The following PATJ variants were observed in gnomAD, a reference collection of about 807,000 sequenced individuals.
PATJ encodes the protein inaD-like protein.
A neutral mutation model predicts 224.9 loss-of-function variants in PATJ; 190 were observed. That is an observed-to-expected ratio of 0.84 (90% CI 0.75 to 0.95). The LOEUF (loss-of-function observed/expected upper bound fraction) is 0.95. Ranked by LOEUF, PATJ falls within the 40% of genes least tolerant of loss-of-function variation. PATJ has a pLI of 0.00. For missense variants in PATJ, 2,121 were observed against 2,270.3 expected (o/e 0.93, Z 1.34); for synonymous variants, 769 against 820.3 (o/e 0.94, Z 1.07).
chr1:61,909,094 C>G lies in PATJ; in HGVS notation c.3492+612C>G, dbSNP rs182318632. ...TCCCAGGTTCAAGTGATTCCTGTGC[C>G]TCAGCCTCCCGAGTAGCTGGGATTA... On this transcript the variant is annotated intron_variant, in intron 25 of 43. Coordinates refer to ENST00000642238, the MANE Select transcript of PATJ (RefSeq NM_001350145.3). 2.0e-5 allele frequency among the ~76,000 whole-genome samples: 3 copies of G among 152,288 alleles called. No individual in the cohort carries two copies. In the East Asian group the frequency reaches 5.8e-4, roughly 29 times the overall value.
intron 33 of PATJ, among the ~76,000 whole-genome samples, chr1:62,090,208 C>T (rs953965885): frequency 5.3e-5 from 8 of 152,172 alleles, no homozygotes; most frequent in African/African-American, 1.7e-4. Flanking sequence ...TTTACAAGCA[C>T]ACCTGGACCC....
At chr1:61,792,436 G>GTGAA (rs1250286449) in intron 9 of PATJ, among the ~76,000 whole-genome samples, 1 of 152,190 alleles carries the variant, frequency 6.6e-6, no homozygotes, top group Non-Finnish European at 1.5e-5. Flanking sequence ...CTAAGTGAAA[G>GTGAA]TGAATGACTG....
intron 27 of PATJ, among the ~76,000 whole-genome samples, chr1:61,939,757 C>T (rs1456150370): frequency 7.4e-6 from 1 of 134,682 alleles, no homozygotes; most frequent in Non-Finnish European, 1.6e-5. Context: ...TCACTGCAAC[C>T]TCCGCCTCCC....
chr1:61,900,714 G>T (rs1024151120), intron 23 of PATJ, among the ~76,000 whole-genome samples: 3 of 151,558 alleles, frequency 2.0e-5, no homozygotes, highest in Admixed American at 6.6e-5. Context: ...CTCAGCCTCC[G>T]GAGTAGCTGG....
At chr1:61,748,803 C>T (rs564185424) in intron 1 of PATJ, among the ~76,000 whole-genome samples, 6 of 151,778 alleles carry the variant, frequency 4.0e-5, no homozygotes, top group South Asian at 4.2e-4. Flanking sequence ...CGCACCGGCA[C>T]GCACCACCAC....
At chr1:61,969,355 G>A (rs767965763) in intron 27 of PATJ, among the ~76,000 whole-genome samples, 21 of 152,120 alleles carry the variant, frequency 1.4e-4, no homozygotes, top group Middle Eastern at 3.2e-3. Context: ...ATGCATAAAC[G>A]TTCCAGTTTT....
At chr1:62,020,225 T>A (rs971474984) in intron 29 of PATJ, among the ~76,000 whole-genome samples, 1 of 152,100 alleles carries the variant, frequency 6.6e-6, no homozygotes. Context: ...CTTAACAGTA[T>A]CAGCATCTGC....
At chr1:61,945,729 A>G (rs917987333) in intron 27 of PATJ, among the ~76,000 whole-genome samples, 3 of 152,230 alleles carry the variant, frequency 2.0e-5, no homozygotes, top group African/African-American at 7.2e-5. Flanking sequence ...ATAGACATCT[A>G]CAGAACTCTC....
Position 62,123,047 on chromosome 1 carries a change from G to A in PATJ, c.5032G>A (p.Glu1678Lys), listed in dbSNP as rs745554162. 37 of 1,596,482 alleles carry A rather than the reference G, an allele frequency of 2.3e-5. No individual in the cohort carries two copies. The highest frequency in any genetic ancestry group is 3.2e-5 in the Non-Finnish European group (37 of 1,169,140). Residue 1678 changes from glutamate (E) to lysine (K), a missense_variant, in exon 39 of 44, where the codon GAG becomes AAG. Physicochemically the swap from Glu to Lys is moderately conservative, Grantham distance 56 (BLOSUM62 1). Coordinates refer to ENST00000642238, the MANE Select transcript of PATJ (RefSeq NM_001350145.3). Reference sequence around the variant, plus strand: ...CACAGATATGGAACCAAGGACTGTTGAGATAAACAGGGTAAGTCAGTCATT... The same window carrying A: ...CACAGATATGGAACCAAGGACTGTTAAGATAAACAGGGTAAGTCAGTCATT... ...SGTDMEPRTV[E>K]INRELSDALG...
At chr1:61,859,597 C>G (rs1664235014) in intron 18 of PATJ, among the ~76,000 whole-genome samples, 1 of 151,852 alleles carries the variant, frequency 6.6e-6, no homozygotes, top group Admixed American at 6.6e-5. Flanking sequence ...TTGACGGCCA[C>G]TTATCTAATT....
chr1:61,854,280 T>A (rs1663292775), intron 17 of PATJ, among the ~76,000 whole-genome samples: 1 of 152,202 alleles, frequency 6.6e-6, no homozygotes, highest in Admixed American at 6.5e-5. Context: ...AATCTCAGGT[T>A]ACAATATGTT....
intron 33 of PATJ, among the ~76,000 whole-genome samples, chr1:62,102,140 C>T (rs887634537): frequency 6.6e-6 from 1 of 151,982 alleles, no homozygotes; most frequent in African/African-American, 2.4e-5. Context: ...GATTGCACCA[C>T]TGCACTCCAG....
chr1:62,084,730 A>C, intron 33 of PATJ, 82 bp downstream of exon 33: 1 of 1,356,406 alleles, frequency 7.4e-7, no homozygotes, highest in Admixed American at 2.0e-5. Context: ...ACAACTCTGC[A>C]AGACTTGCCT....
intron 22 of PATJ, among the ~76,000 whole-genome samples, chr1:61,891,453 G>C (rs548483027): frequency 4.6e-5 from 7 of 152,176 alleles, no homozygotes; most frequent in African/African-American, 1.7e-4. Context: ...ATTTCAGAGA[G>C]AGGGCTACTC....
chr1:61,766,308 C>T lies in PATJ; in HGVS notation c.219C>T (p.Ala73=). The stretch of plus-strand genomic sequence containing the variant: ...ACCATATACCCTCAGATTGTTCAGC[C>T]AACTTTGATTTTTCTAGGAAAGGTT... ...QLNHIPSDCS[A]NFDFSRKGLL... is the part of the protein sequence containing the mutation. The change falls in exon 4 of 44, where the codon GCC becomes GCT. Residue 73 remains alanine, a synonymous_variant. Transcript: ENST00000642238. 6.2e-7 allele frequency: 1 copy of T among 1,610,336 alleles called. No homozygotes were observed. The highest frequency in any genetic ancestry group is 2.2e-5 in the East Asian group (1 of 44,666).
intron 22 of PATJ, among the ~76,000 whole-genome samples, chr1:61,898,305 A>G (rs1055996774): frequency 6.6e-6 from 1 of 152,044 alleles, no homozygotes; most frequent in Non-Finnish European, 1.5e-5. Flanking sequence ...TAGTGGTGTG[A>G]TCATAGCTCA....
At chr1:61,969,611 A>C (rs1244880955) in intron 27 of PATJ, among the ~76,000 whole-genome samples, 1 of 152,190 alleles carries the variant, frequency 6.6e-6, no homozygotes, top group Admixed American at 6.5e-5. Flanking sequence ...TATATTCTAG[A>C]TATTATATAC....
At chr1:61,882,636 A>G (rs1243867255) in intron 21 of PATJ, among the ~76,000 whole-genome samples, 1 of 152,088 alleles carries the variant, frequency 6.6e-6, no homozygotes, top group Non-Finnish European at 1.5e-5. Context: ...TGCCCAGGCT[A>G]GAGTACAGTG....
chr1:61,826,090 G>A lies in PATJ; in HGVS notation c.1819-1332G>A, dbSNP rs528984048. Among the ~76,000 whole-genome samples, 135 of 152,306 alleles carry A rather than the reference G, an allele frequency of 8.9e-4. 1 individual carries two copies. In the South Asian group the frequency reaches 0.026, roughly 30 times the overall value. On this transcript the variant is annotated intron_variant, in intron 15 of 43. Transcript: ENST00000642238. Reference sequence around the variant, plus strand: ...CTTCATTTGTCATGAAGACTTACCAGTAGAGCTAGCTTCCTAAAGTGCACG... The same window carrying A: ...CTTCATTTGTCATGAAGACTTACCAATAGAGCTAGCTTCCTAAAGTGCACG...
Sources: allele counts gnomAD v4.1 joint callset (sites outside exome capture counted in the v4.1 genomes callset), GRCh38; gene constraint gnomAD v4.1.1; transcripts MANE v1.5; gene names NCBI Gene and HGNC (gene_info 2026-07-23, HGNC 2026-07-21).